CNTN3: variants seen among roughly 807,000 people sequenced by gnomAD.
CNTN3 encodes the protein contactin 3, also known as contactin-3.
Under a neutral mutation model 119.1 loss-of-function variants are expected in CNTN3, and 60 were observed. The observed-to-expected ratio is 0.50, with a 90% confidence interval of 0.41 to 0.62. The LOEUF (loss-of-function observed/expected upper bound fraction) is 0.62. CNTN3 is among the 20% of genes least tolerant of loss of function. The pLI, the probability that CNTN3 is intolerant of heterozygous loss-of-function variation, is 0.00. For missense variants in CNTN3, 1,101 were observed against 1,242.4 expected, an observed-to-expected ratio of 0.89 and a Z score of 1.71; for synonymous variants, 450 against 438.7, an observed-to-expected ratio of 1.03 and a Z score of -0.32.
intron 5 of CNTN3, among the ~76,000 whole-genome samples, chr3:74,385,279 T>A (rs1331966558): frequency 6.6e-6 from 1 of 152,186 alleles, no homozygotes; most frequent in Non-Finnish European, 1.5e-5. Flanking sequence ...TGACCTTTAA[T>A]GGTGGCTAGT....
intron 13 of CNTN3, among the ~76,000 whole-genome samples, chr3:74,310,747 G>T (rs1365182504): frequency 6.6e-6 from 1 of 152,198 alleles, no homozygotes; most frequent in Non-Finnish European, 1.5e-5. Context: ...GAGAGGGATA[G>T]ATTTTACTAC....
At chr3:74,459,794 C>T (rs563892333) in intron 4 of CNTN3, among the ~76,000 whole-genome samples, 244 of 152,118 alleles carry the variant, frequency 1.6e-3, no homozygotes, top group Non-Finnish European at 2.5e-3. Context: ...CCCATAACAC[C>T]TTTAATTCAC....
At chr3:74,378,312 C>T (rs368189164) in intron 5 of CNTN3, among the ~76,000 whole-genome samples, 3 of 152,278 alleles carry the variant, frequency 2.0e-5, no homozygotes, top group South Asian at 2.1e-4. Flanking sequence ...CACTGTAAAC[C>T]GAAAGACATC....
rs568629729 is a variant in CNTN3, at chr3:74,565,429, C to T, written c.-80-44237G>A. Among the ~76,000 whole-genome samples, 3 of 152,260 alleles carry T rather than the reference C, an allele frequency of 2.0e-5. No individual in the cohort carries two copies. In the South Asian group the frequency reaches 6.2e-4, roughly 32 times the overall value. On this transcript the variant is annotated intron_variant, in intron 1 of 22. Coordinates refer to ENST00000263665, the MANE Select transcript of CNTN3 (RefSeq NM_020872.3). ...CTCCTGCCTCTCTCTTAGAAGGTCC[C>T]TTGTGATCACACTGGGCCCAAATGG...
chr3:74,612,522 G>C (rs1293269266), intron 1 of CNTN3, among the ~76,000 whole-genome samples: 6 of 152,160 alleles, frequency 3.9e-5, no homozygotes, highest in Admixed American at 1.3e-4. Flanking sequence ...ACAGTGAGGA[G>C]GACATGAGGC....
intron 13 of CNTN3, among the ~76,000 whole-genome samples, chr3:74,317,696 T>G (rs1101687): frequency 6.6e-6 from 1 of 151,986 alleles, no homozygotes; most frequent in East Asian, 1.9e-4. Flanking sequence ...AGAGTTTCTG[T>G]GGAGAGATCA....
chr3:74,514,170 A>G (rs6549618), intron 2 of CNTN3, among the ~76,000 whole-genome samples: 150,796 of 152,162 alleles, frequency 0.99, 74,735 homozygotes, highest in Middle Eastern at 1. Context: ...GTGCATAGTG[A>G]GATCACAATG....
chr3:74,471,226 G>A (rs1299204680), intron 4 of CNTN3, among the ~76,000 whole-genome samples: 1 of 151,974 alleles, frequency 6.6e-6, no homozygotes, highest in African/African-American at 2.4e-5. Flanking sequence ...GATAACATTA[G>A]GAGAAATACC....
chr3:74,488,006 ATT>A (rs1702889411), intron 3 of CNTN3, among the ~76,000 whole-genome samples: 1 of 148,660 alleles, frequency 6.7e-6, no homozygotes, highest in Admixed American at 6.7e-5. Flanking sequence ...TATTTTATAT[ATT>A]TATATATAAT....
At chr3:74,416,066 T>A (rs1257362446) in intron 5 of CNTN3, among the ~76,000 whole-genome samples, 1 of 152,248 alleles carries the variant, frequency 6.6e-6, no homozygotes, top group East Asian at 1.9e-4. Context: ...TTGTTTTAAC[T>A]TTTTCCTCCT....
At chr3:74,564,031 C>T (rs980870912) in intron 1 of CNTN3, among the ~76,000 whole-genome samples, 10 of 151,996 alleles carry the variant, frequency 6.6e-5, no homozygotes, top group South Asian at 2.1e-4. Context: ...GGTCCCTGCT[C>T]GCTGATGATG....
chr3:74,541,802 AT>A (rs1289338663), intron 1 of CNTN3, among the ~76,000 whole-genome samples: 3 of 152,094 alleles, frequency 2.0e-5, no homozygotes, highest in Admixed American at 6.5e-5. Context: ...AGAAAATAGC[AT>A]TTTTTTTCTG....
chr3:74,279,531 A>G (rs2106769547), intron 20 of CNTN3, among the ~76,000 whole-genome samples: 1 of 152,252 alleles, frequency 6.6e-6, no homozygotes, highest in South Asian at 2.1e-4. Context: ...TAAATGAAGT[A>G]CCTCAGGAAT....
intron 5 of CNTN3, among the ~76,000 whole-genome samples, chr3:74,372,275 G>C (rs1205190400): frequency 6.6e-6 from 1 of 152,102 alleles, no homozygotes; most frequent in African/African-American, 2.4e-5. Flanking sequence ...GATTCATGGA[G>C]TTAGTTAAGG....
intron 4 of CNTN3, among the ~76,000 whole-genome samples, chr3:74,457,313 A>G (rs1702287851): frequency 6.6e-6 from 1 of 152,066 alleles, no homozygotes; most frequent in South Asian, 2.1e-4. Flanking sequence ...AAAAAATGAT[A>G]AAATTTTAGA....
chr3:74,530,667 GAC>G (rs1163781121), intron 1 of CNTN3, among the ~76,000 whole-genome samples: 2 of 151,962 alleles, frequency 1.3e-5, no homozygotes. Flanking sequence ...CTGTGCGCCA[GAC>G]ACACAGGGGT....
intron 4 of CNTN3, among the ~76,000 whole-genome samples, chr3:74,468,408 A>G (rs1311898362): frequency 6.6e-6 from 1 of 152,158 alleles, no homozygotes; most frequent in Non-Finnish European, 1.5e-5. Flanking sequence ...AATTAAATGT[A>G]CATGTCACTA....
At chr3:74,445,001 C>G (rs1241504950) in intron 4 of CNTN3, among the ~76,000 whole-genome samples, 1 of 152,074 alleles carries the variant, frequency 6.6e-6, no homozygotes, top group South Asian at 2.1e-4. Context: ...GGATTAAATA[C>G]AGCTATTTTT....
intron 5 of CNTN3, among the ~76,000 whole-genome samples, chr3:74,401,133 G>A (rs1482726153): frequency 6.6e-6 from 1 of 151,870 alleles, no homozygotes; most frequent in Non-Finnish European, 1.5e-5. Flanking sequence ...TATGTGCCTG[G>A]CTACTATGAA....
Sources: gnomAD v4.1 joint callset for allele counts (sites outside exome capture counted in the v4.1 genomes callset) on GRCh38, gnomAD v4.1.1 for gene constraint, MANE v1.5 for transcripts, NCBI Gene and HGNC (gene_info 2026-07-23, HGNC 2026-07-21) for gene names.